ZCCHC7: variants seen among roughly 807,000 people sequenced by gnomAD.
ZCCHC7 encodes the protein zinc finger CCHC domain-containing protein 7.
In ZCCHC7, 35 loss-of-function variants were observed where a neutral mutation model predicts 52.0. That is an observed-to-expected ratio of 0.67 (90% CI 0.51 to 0.89). ZCCHC7 has a LOEUF of 0.89. Among genes scored for constraint, ZCCHC7 ranks in the 40% least tolerant of loss-of-function variants. The pLI is 0.00. For missense variants in ZCCHC7, 574 were observed against 649.1 expected (o/e 0.88, Z 1.26); for synonymous variants, 217 against 221.5 (o/e 0.98, Z 0.18).
chr9:37,198,181 T>C (rs957949386), intron 2 of ZCCHC7, among the ~76,000 whole-genome samples: 7 of 152,176 alleles, frequency 4.6e-5, no homozygotes, highest in Non-Finnish European at 1.0e-4. Flanking sequence ...TTTCATTTTA[T>C]TTCATCATTC....
At chr9:37,160,846 A>G (rs1013443745) in intron 2 of ZCCHC7, among the ~76,000 whole-genome samples, 9 of 152,110 alleles carry the variant, frequency 5.9e-5, no homozygotes, top group Admixed American at 4.6e-4. Context: ...AGATCGTGCC[A>G]TTGCACTCTA....
chr9:37,261,169 AAG>A (rs1826848573), intron 2 of ZCCHC7, among the ~76,000 whole-genome samples: 1 of 152,158 alleles, frequency 6.6e-6, no homozygotes, highest in Admixed American at 6.5e-5. Flanking sequence ...ATTTTTAAAG[AAG>A]AAAATCAAGA....
intron 2 of ZCCHC7, among the ~76,000 whole-genome samples, chr9:37,198,718 T>A (rs533676602): frequency 6.6e-6 from 1 of 152,228 alleles, no homozygotes; most frequent in African/African-American, 2.4e-5. Context: ...AACTTGTGTA[T>A]ATTCTGCAGT....
At chr9:37,189,427 C>T (rs2133095530) in intron 2 of ZCCHC7, among the ~76,000 whole-genome samples, 1 of 152,238 alleles carries the variant, frequency 6.6e-6, no homozygotes, top group Admixed American at 6.5e-5. Context: ...GCACTTGTTG[C>T]CCAGGCTGGA....
intron 2 of ZCCHC7, among the ~76,000 whole-genome samples, chr9:37,241,452 ATT>A (rs1172107504): frequency 6.6e-6 from 1 of 151,950 alleles, no homozygotes; most frequent in African/African-American, 2.4e-5. Flanking sequence ...GTTCTCTCAT[ATT>A]TCAGCTAAAA....
chr9:37,232,240 A>G (rs1310133128), intron 2 of ZCCHC7, among the ~76,000 whole-genome samples: 4 of 152,218 alleles, frequency 2.6e-5, no homozygotes, highest in African/African-American at 4.8e-5. Flanking sequence ...GAAACCAAGA[A>G]TCTGAAAGAA....
intron 2 of ZCCHC7, among the ~76,000 whole-genome samples, chr9:37,212,188 G>A (rs1456984764): frequency 6.6e-6 from 1 of 151,892 alleles, no homozygotes; most frequent in African/African-American, 2.4e-5. Flanking sequence ...GGCACTACTG[G>A]CATTCAGTGG....
chr9:37,194,914 A>C (rs899057527), intron 2 of ZCCHC7, among the ~76,000 whole-genome samples: 1 of 151,706 alleles, frequency 6.6e-6, no homozygotes, highest in Non-Finnish European at 1.5e-5. Context: ...GTATAGCAGA[A>C]CAAGAACTCA....
At chr9:37,294,533 G>A (rs566583453) in intron 2 of ZCCHC7, among the ~76,000 whole-genome samples, 1 of 152,194 alleles carries the variant, frequency 6.6e-6, no homozygotes, top group South Asian at 2.1e-4. Flanking sequence ...GTTTTTTGAA[G>A]TCCATTTTAA....
Position 37,126,659 on chromosome 9 carries a change from A to G in ZCCHC7, c.327A>G (p.Arg109=), listed in dbSNP as rs544810177. 6.2e-7 allele frequency: 1 copy of G among 1,614,224 alleles called. No individual in the cohort carries two copies. The highest frequency in any genetic ancestry group is 1.3e-5 in the African/African-American group (1 of 75,074). Residue 109 remains arginine (R), a synonymous_variant, in exon 2 of 9, where the codon AGA becomes AGG. Coordinates refer to ENST00000336755, the MANE Select transcript of ZCCHC7 (RefSeq NM_032226.3). ...SIYRCKGKNV[R]VQAQENAHGL... is the part of the protein sequence containing the mutation. Reference sequence around the variant, plus strand: ...ATAGATGTAAAGGAAAGAATGTTAGAGTTCAAGCACAAGAAAATGCCCATG... The same window carrying G: ...ATAGATGTAAAGGAAAGAATGTTAGGGTTCAAGCACAAGAAAATGCCCATG...
At chr9:37,348,975 G>A (rs1341642888) in intron 6 of ZCCHC7, among the ~76,000 whole-genome samples, 1 of 152,116 alleles carries the variant, frequency 6.6e-6, no homozygotes, top group African/African-American at 2.4e-5. Context: ...CCATCCGCTG[G>A]TGGGGGAGTC....
At chr9:37,313,359 C>T (rs533396044) in intron 5 of ZCCHC7, among the ~76,000 whole-genome samples, 58 of 152,202 alleles carry the variant, frequency 3.8e-4, no homozygotes, top group Admixed American at 1.8e-3. Context: ...ACAAAACTCA[C>T]GATAATGTTA....
chr9:37,324,663 G>T (rs1423714358), intron 5 of ZCCHC7, among the ~76,000 whole-genome samples: 4 of 152,106 alleles, frequency 2.6e-5, no homozygotes, highest in Non-Finnish European at 4.4e-5. Context: ...AGTATTGGGG[G>T]TTTTTTTCTT....
chr9:37,226,200 CA>C (rs1420713646), intron 2 of ZCCHC7, among the ~76,000 whole-genome samples: 1 of 151,888 alleles, frequency 6.6e-6, no homozygotes, highest in Admixed American at 6.6e-5. Flanking sequence ...TTCACAGTAT[CA>C]AAAAATGTGA....
chr9:37,330,509 A>G (rs947010506), intron 6 of ZCCHC7, among the ~76,000 whole-genome samples: 20 of 151,632 alleles, frequency 1.3e-4, no homozygotes, highest in African/African-American at 4.6e-4. Context: ...CTATAATTAT[A>G]TAATTTAATG....
chr9:37,239,413 T>C (rs1293973678), intron 2 of ZCCHC7, among the ~76,000 whole-genome samples: 2 of 152,162 alleles, frequency 1.3e-5, no homozygotes, highest in African/African-American at 2.4e-5. Flanking sequence ...GGCTTGTTCA[T>C]CTACGTTGTA....
intron 2 of ZCCHC7, among the ~76,000 whole-genome samples, chr9:37,225,601 G>C (rs1346579642): frequency 6.6e-6 from 1 of 152,150 alleles, no homozygotes; most frequent in Non-Finnish European, 1.5e-5. Flanking sequence ...ATGATCAAGT[G>C]AAGTTCATTC....
intron 2 of ZCCHC7, among the ~76,000 whole-genome samples, chr9:37,139,251 CTT>C (rs1183149567): frequency 2.0e-5 from 3 of 151,902 alleles, no homozygotes; most frequent in Admixed American, 6.6e-5. Context: ...GCATGGTTAA[CTT>C]TTGGCATTTT....
At chr9:37,346,854 G>C (rs2118567191) in intron 6 of ZCCHC7, among the ~76,000 whole-genome samples, 1 of 152,182 alleles carries the variant, frequency 6.6e-6, no homozygotes, top group East Asian at 1.9e-4. Context: ...AAAGTAGCCA[G>C]GCGTAGTGGT....
Sources: gnomAD v4.1 joint callset for allele counts (sites outside exome capture counted in the v4.1 genomes callset) on GRCh38, gnomAD v4.1.1 for gene constraint, MANE v1.5 for transcripts, NCBI Gene and HGNC (gene_info 2026-07-23, HGNC 2026-07-21) for gene names.